The following EML1 variants were observed in gnomAD, a reference collection of about 807,000 sequenced individuals.
EML1 encodes the protein EMAP like 1, also known as echinoderm microtubule-associated protein-like 1.
EML1 carries 27 observed loss-of-function variants against 110.4 expected under a neutral mutation model. The observed-to-expected ratio is 0.24, with a 90% CI of 0.18 to 0.34. EML1 has a LOEUF of 0.34. Ranked by LOEUF, EML1 falls within the 10% of genes least tolerant of loss-of-function variation. The probability of loss-of-function intolerance (pLI) is 1.00; values close to 1 mark genes in which losing one functional copy is unlikely to be tolerated. For missense variants in EML1, 741 were observed against 1,030.9 expected, an observed-to-expected ratio of 0.72 and a Z score of 3.85; for synonymous variants, 344 against 385.8, an observed-to-expected ratio of 0.89 and a Z score of 1.27.
At chr14:99,815,957 C>T (rs1173198993) in intron 1 of EML1, among the ~76,000 whole-genome samples, 1 of 152,142 alleles carries the variant, frequency 6.6e-6, no homozygotes, top group African/African-American at 2.4e-5. Flanking sequence ...TCTTGTGAAG[C>T]AAGCACTTCA....
At chr14:99,880,078 G>A (rs938612234) in intron 4 of EML1, among the ~76,000 whole-genome samples, 5 of 152,152 alleles carry the variant, frequency 3.3e-5, no homozygotes, top group African/African-American at 1.2e-4. Context: ...TTTTGATTTG[G>A]AAATGAGGGA....
At chr14:99,791,462 C>A (rs542740225), upstream of EML1, among the ~76,000 whole-genome samples, 15 of 152,312 alleles carry the variant, frequency 9.8e-5, no homozygotes, top group Non-Finnish European at 1.8e-4. Flanking sequence ...AGCCCCTGTC[C>A]GATTTTCTAT....
intron 1 of EML1, among the ~76,000 whole-genome samples, chr14:99,751,820 G>A (rs984262976): frequency 6.6e-6 from 1 of 152,136 alleles, no homozygotes; most frequent in Non-Finnish European, 1.5e-5. Flanking sequence ...TTAGACAGGA[G>A]GGGTTGGGAA....
intron 7 of EML1, 76 bp from the exon 8 acceptor site, chr14:99,898,157 C>A: frequency 8.0e-7 from 1 of 1,246,050 alleles, no homozygotes; most frequent in Non-Finnish European, 1.1e-6. Flanking sequence ...AAATTTTTGA[C>A]TAGATTATAT....
rs186463028 is a variant in EML1 at position 99,782,425 on chromosome 14, C to T, written c.-27+8412C>T. 2.5e-4 allele frequency among the ~76,000 whole-genome samples: 38 copies of T among 152,206 alleles called. 1 individual carries two copies. The highest frequency in any genetic ancestry group is 6.3e-4 in the African/African-American group (26 of 41,520). On this transcript the variant is annotated intron_variant, in intron 1 of 22. Transcript: ENST00000327921. ...GGGCCTGTGTGAGTGTGACCTGCGGCGTGTTTGCTCCCCTCTGAGCTGTGA... is the reference window on the plus strand; with the variant it reads ...GGGCCTGTGTGAGTGTGACCTGCGGTGTGTTTGCTCCCCTCTGAGCTGTGA...
intron 3 of EML1, among the ~76,000 whole-genome samples, chr14:99,869,726 G>A (rs991989999): frequency 3.3e-5 from 5 of 152,150 alleles, no homozygotes; most frequent in Admixed American, 6.5e-5. Flanking sequence ...GTTCATCAGG[G>A]TAGATCCCTC....
In EML1 at chr14:99,914,759, A is replaced by AT. The variant is rs984313992; in HGVS notation, c.1752+68dup. 21 of 1,529,706 alleles carry AT rather than the reference A, an allele frequency of 1.4e-5. No individual in the cohort carries two copies. The African/African-American group carries it at 2.8e-4, about 20-fold the overall frequency. The allele number at this position is 1,529,706 out of a possible 1,614,324, so 94.8% of individuals were successfully genotyped here. On this transcript the variant is annotated intron_variant, in intron 15 of 21. Coordinates refer to ENST00000262233, the MANE Select transcript of EML1 (RefSeq NM_004434.3). Reference sequence around the variant, plus strand: ...AAATTCATCTGGAACATGTTTATTTATTTTTTGCATGAAATCAACAGTGAT... The same window carrying AT: ...AAATTCATCTGGAACATGTTTATTTATTTTTTTGCATGAAATCAACAGTGAT...
intron 1 of EML1, among the ~76,000 whole-genome samples, chr14:99,833,642 G>A (rs1335623945): frequency 2.0e-5 from 3 of 152,180 alleles, no homozygotes; most frequent in African/African-American, 7.2e-5. Flanking sequence ...ATATCTCTCT[G>A]TTTATTTAGG....
chr14:99,920,805 A>T lies in EML1; in HGVS notation c.1837A>T (p.Thr613Ser). Residue 613 changes from threonine to serine, a missense_variant, in exon 17 of 22, where the codon ACA (threonine) becomes TCA (serine). Coordinates refer to ENST00000262233, the MANE Select transcript of EML1 (RefSeq NM_004434.3). ...TGATAACAGGTGGTTTGTGTTTGAC[A>T]CAGAAACAAAAGACTTGGTCACCGT... is the stretch of plus-strand genomic sequence containing the variant. Reference protein sequence around the residue: ...TLTGRWFVFDTETKDLVTVHT... With the variant: ...TLTGRWFVFDSETKDLVTVHT... 6.2e-7 allele frequency: 1 copy of T among 1,613,582 alleles called. No homozygotes were observed. The highest frequency in any genetic ancestry group is 1.1e-5 in the South Asian group (1 of 90,868).
intron 3 of EML1, among the ~76,000 whole-genome samples, chr14:99,871,052 G>A (rs1241109603): frequency 6.6e-6 from 1 of 152,102 alleles, no homozygotes; most frequent in African/African-American, 2.4e-5. Context: ...CGCCTCCCGG[G>A]TTCAAGTGAT....
At chr14:99,899,055 C>G (rs1318945628) in intron 8 of EML1, among the ~76,000 whole-genome samples, 2 of 152,152 alleles carry the variant, frequency 1.3e-5, no homozygotes, top group African/African-American at 4.8e-5. Flanking sequence ...ACAAAAGCTA[C>G]TAGGAGGTTT....
chr14:99,748,427 C>CT (rs762393185), intron 1 of EML1, among the ~76,000 whole-genome samples: 2,627 of 146,900 alleles, frequency 0.018, 63 homozygotes, highest in African/African-American at 0.058. Flanking sequence ...GCTTTGTTAT[C>CT]TTTTTTTTTT....
At chr14:99,825,037 G>A (rs2058329673) in intron 1 of EML1, among the ~76,000 whole-genome samples, 1 of 152,136 alleles carries the variant, frequency 6.6e-6, no homozygotes, top group Non-Finnish European at 1.5e-5. Flanking sequence ...AGGCTGGAGT[G>A]CAGTGGCACA....
chr14:99,900,496 CTTAATA>C (rs1456717663), intron 8 of EML1, among the ~76,000 whole-genome samples: 1 of 152,110 alleles, frequency 6.6e-6, no homozygotes, highest in Non-Finnish European at 1.5e-5. Context: ...CTGTTAAGCT[CTTAATA>C]TTATTTGGTG....
At chr14:99,889,283 GC>G (rs2059543826) in intron 4 of EML1, among the ~76,000 whole-genome samples, 2 of 152,168 alleles carry the variant, frequency 1.3e-5, no homozygotes, top group African/African-American at 4.8e-5. Context: ...ATTGCTGAGA[GC>G]CGACCCCACC....
At chr14:99,783,101 T>C (rs1403977133) in intron 1 of EML1, among the ~76,000 whole-genome samples, 1 of 151,746 alleles carries the variant, frequency 6.6e-6, no homozygotes, top group Non-Finnish European at 1.5e-5. Flanking sequence ...CATTAACTCA[T>C]CATTTACATT....
At position 99,910,304 on chromosome 14, in the gene EML1, T is replaced by C; in HGVS notation, c.1302T>C (p.Thr434=). 4 of 1,613,492 alleles carry C rather than the reference T, an allele frequency of 2.5e-6. No homozygotes were observed. Among genetic ancestry groups the C allele is most frequent in the Non-Finnish European group, 3.4e-6 (4 of 1,179,796 alleles). ...VTFSENGDTI[T]GDSSGNILVW... ...TCTCTGAAAACGGTGACACCATTAC[T>C]GGAGATTCAAGTGGCAACATCTTAG... Residue 434 remains threonine, a synonymous_variant, in exon 12 of 22, where the codon ACT becomes ACC. Coordinates refer to ENST00000262233, the MANE Select transcript of EML1 (RefSeq NM_004434.3).
chr14:99,939,229 A>G lies in EML1; in HGVS notation c.2224A>G (p.Ile742Val). 6.2e-7 allele frequency: 1 copy of G among 1,614,200 alleles called. No homozygotes were observed. The highest frequency in any genetic ancestry group is 1.1e-5 in the South Asian group (1 of 91,080). Residue 742 changes from isoleucine (I) to valine (V), a missense_variant, in exon 21 of 22, where the codon ATC becomes GTC. Ile to Val is a conservative substitution (Grantham distance 29). Transcript: ENST00000262233. The surrounding 1 kb of genome is among the most constrained non-coding windows in gnomAD (Gnocchi z 4.2). ...VWPEGSDGTD[I>V]NAVCRAHEKK... ...GCCAGAAGGCTCGGACGGAACCGAC[A>G]TCAATGCCGTCTGTCGGGCCCATGA...
intron 1 of EML1, among the ~76,000 whole-genome samples, chr14:99,755,928 A>C (rs1398470083): frequency 6.6e-6 from 1 of 152,152 alleles, no homozygotes; most frequent in Non-Finnish European, 1.5e-5. Flanking sequence ...ACAGGCGAGG[A>C]ACCCGAGGCT....
Sources: allele counts gnomAD v4.1 joint callset (sites outside exome capture counted in the v4.1 genomes callset), GRCh38; gene constraint gnomAD v4.1.1; non-coding constraint Gnocchi (gnomAD v3.1); transcripts MANE v1.5; gene names NCBI Gene and HGNC (gene_info 2026-07-23, HGNC 2026-07-21).